The following SLC24A2 variants were observed in gnomAD, a reference collection of about 807,000 sequenced individuals.
The protein encoded by SLC24A2 is sodium/potassium/calcium exchanger 2.
In SLC24A2, 36 loss-of-function variants were observed where a neutral mutation model predicts 62.0. The observed-to-expected ratio is 0.58, with a 90% confidence interval of 0.44 to 0.77. SLC24A2 has a LOEUF of 0.77. Among genes scored for constraint, SLC24A2 ranks in the 30% least tolerant of loss-of-function variants. The probability of loss-of-function intolerance (pLI) is 0.00; values close to 1 mark genes in which losing one functional copy is unlikely to be tolerated. For missense variants in SLC24A2, 846 were observed against 817.9 expected, an observed-to-expected ratio of 1.03 and a Z score of -0.42; for synonymous variants, 358 against 294.0, an observed-to-expected ratio of 1.22 and a Z score of -2.23.
At chr9:20,129,034 T>C in the SLC24A2 span, among the ~76,000 whole-genome samples, 1 of 152,148 alleles carries the variant, frequency 6.6e-6, no homozygotes, top group South Asian at 2.1e-4. Context: ...TTTCAAATAA[T>C]ATCTCTCATA....
At chr9:19,813,439 C>A in the SLC24A2 span, among the ~76,000 whole-genome samples, 1 of 149,222 alleles carries the variant, frequency 6.7e-6, no homozygotes, top group Non-Finnish European at 1.5e-5. Flanking sequence ...TCTTGTGCCT[C>A]CCTGAGTAGC....
the SLC24A2 span, among the ~76,000 whole-genome samples, chr9:20,082,932 C>T: frequency 6.6e-6 from 1 of 152,232 alleles, no homozygotes; most frequent in Non-Finnish European, 1.5e-5. Flanking sequence ...TGTCTCTCTC[C>T]TCTCTGAATT....
chr9:20,118,447 G>A, the SLC24A2 span, among the ~76,000 whole-genome samples: 2 of 151,772 alleles, frequency 1.3e-5, no homozygotes, highest in African/African-American at 2.4e-5. Context: ...GCTTCCAGGG[G>A]CCCCTGACTG....
chr9:19,782,807 T>C (rs1823054265), intron 2 of SLC24A2, among the ~76,000 whole-genome samples: 1 of 152,220 alleles, frequency 6.6e-6, no homozygotes, highest in African/African-American at 2.4e-5. Flanking sequence ...GAAGTAGGTA[T>C]CATTATTCTC....
the SLC24A2 span, among the ~76,000 whole-genome samples, chr9:20,204,217 C>A: frequency 0.012 from 1,782 of 152,170 alleles, 31 homozygotes; most frequent in African/African-American, 0.041. Flanking sequence ...ATAATAAAAC[C>A]TTGTACAGTT....
At chr9:19,822,156 T>C in the SLC24A2 span, among the ~76,000 whole-genome samples, 18 of 152,176 alleles carry the variant, frequency 1.2e-4, no homozygotes, top group Non-Finnish European at 2.4e-4. Context: ...CTAGTGATAA[T>C]GCCTATTCTT....
intron 2 of SLC24A2, among the ~76,000 whole-genome samples, chr9:19,697,478 T>G (rs139989908): frequency 6.6e-6 from 1 of 152,328 alleles, no homozygotes; most frequent in East Asian, 1.9e-4. Context: ...TTGGCACTAT[T>G]TTGTTCTAAC....
intron 7 of SLC24A2, among the ~76,000 whole-genome samples, chr9:19,566,000 A>C (rs1365219279): frequency 1.3e-5 from 2 of 152,002 alleles, no homozygotes; most frequent in African/African-American, 4.8e-5. Flanking sequence ...TAGACCTAAA[A>C]CCATAAAAAC....
intron 5 of SLC24A2, among the ~76,000 whole-genome samples, chr9:19,582,782 C>T (rs768591352): frequency 2.6e-5 from 4 of 152,130 alleles, no homozygotes; most frequent in Non-Finnish European, 5.9e-5. Flanking sequence ...GGTGTGGCAT[C>T]ATGAAGTTAT....
the SLC24A2 span, among the ~76,000 whole-genome samples, chr9:20,038,516 T>C: frequency 6.6e-6 from 1 of 151,598 alleles, no homozygotes; most frequent in South Asian, 2.1e-4. Flanking sequence ...GAATAAAAAC[T>C]CAACACACTG....
chr9:19,736,843 C>A (rs1821525173), intron 2 of SLC24A2, among the ~76,000 whole-genome samples: 1 of 152,038 alleles, frequency 6.6e-6, no homozygotes, highest in Non-Finnish European at 1.5e-5. Flanking sequence ...AAGAGTAAGA[C>A]CCTGTCTTAA....
chr9:19,748,176 G>A (rs559139446), intron 2 of SLC24A2, among the ~76,000 whole-genome samples: 1 of 152,174 alleles, frequency 6.6e-6, no homozygotes, highest in Non-Finnish European at 1.5e-5. Flanking sequence ...AAAGCCATTT[G>A]TTCTGGGCAG....
At chr9:19,679,643 C>T (rs1285465808) in intron 2 of SLC24A2, among the ~76,000 whole-genome samples, 1 of 152,152 alleles carries the variant, frequency 6.6e-6, no homozygotes, top group Non-Finnish European at 1.5e-5. Context: ...CACAAATTTG[C>T]TCTTTCTGCT....
At chr9:20,270,136 C>T in the SLC24A2 span, among the ~76,000 whole-genome samples, 39 of 152,086 alleles carry the variant, frequency 2.6e-4, no homozygotes, top group Non-Finnish European at 4.1e-4. Flanking sequence ...TGTCAGAGAG[C>T]GAGCTCATTC....
Position 19,786,546 on chromosome 9 carries a change from G to A in SLC24A2, c.321C>T (p.Gly107=), listed in dbSNP as rs761386724. Residue 107 remains glycine, a synonymous_variant, in exon 2 of 11, where the codon GGC becomes GGT. Transcript: ENST00000341998. This position sits in a 1 kb window ranked among gnomAD's most constrained non-coding sequence, Gnocchi z 5.0. ...YTPQPPLSKE[G]ESENSTDHAQ... is the part of the protein sequence containing the mutation. Reference sequence around the variant, plus strand: ...CGTGATCTGTACTATTCTCAGACTCGCCTTCCTTAGAAAGAGGTGGCTGTG... The same window carrying A: ...CGTGATCTGTACTATTCTCAGACTCACCTTCCTTAGAAAGAGGTGGCTGTG... 3.5e-5 allele frequency: 57 copies of A among 1,614,120 alleles called. No individual in the cohort carries two copies. The highest frequency in any genetic ancestry group is 4.2e-5 in the Non-Finnish European group (50 of 1,180,020).
chr9:19,803,386 A>G, the SLC24A2 span, among the ~76,000 whole-genome samples: 167 of 152,322 alleles, frequency 1.1e-3, no homozygotes, highest in East Asian at 5.0e-3. Context: ...GCTGACATAT[A>G]AAAGATCTAT....
At chr9:19,860,181 G>C in the SLC24A2 span, among the ~76,000 whole-genome samples, 5 of 152,124 alleles carry the variant, frequency 3.3e-5, no homozygotes. Flanking sequence ...GGCTCAAAAA[G>C]AGACCCCTTC....
chr9:20,145,779 A>G, the SLC24A2 span, among the ~76,000 whole-genome samples: 923 of 152,138 alleles, frequency 6.1e-3, 11 homozygotes, highest in African/African-American at 0.019. Context: ...ATACAAGCAC[A>G]TATATGTATA....
chr9:19,653,233 G>T (rs917770794), intron 2 of SLC24A2, among the ~76,000 whole-genome samples: 1 of 152,170 alleles, frequency 6.6e-6, no homozygotes, highest in Admixed American at 6.5e-5. Context: ...TCAACAGCAT[G>T]GCCAGAAGTG....
Sources: allele counts gnomAD v4.1 joint callset (sites outside exome capture counted in the v4.1 genomes callset), GRCh38; gene constraint gnomAD v4.1.1; non-coding constraint Gnocchi (gnomAD v3.1); transcripts MANE v1.5; gene names NCBI Gene and HGNC (gene_info 2026-07-23, HGNC 2026-07-21).